The following UTRN variants were observed in gnomAD, a reference collection of about 807,000 sequenced individuals.
The protein encoded by UTRN is dystrophin-related protein 1.
Under a neutral mutation model 463.9 loss-of-function variants are expected in UTRN, and 283 were observed. The observed-to-expected ratio is 0.61, with a 90% confidence interval of 0.55 to 0.67. UTRN has a LOEUF of 0.67. Ranked by LOEUF, UTRN falls within the 30% of genes least tolerant of loss-of-function variation. The pLI is 0.00. For synonymous variants in UTRN, 1,442 were observed against 1,431.5 expected, an observed-to-expected ratio of 1.01 and a Z score of -0.17; for missense variants, 3,922 against 4,084.3, an observed-to-expected ratio of 0.96 and a Z score of 1.08.
intron 52 of UTRN, among the ~76,000 whole-genome samples, chr6:144,680,268 A>G (rs948810072): frequency 6.6e-6 from 1 of 152,192 alleles, no homozygotes; most frequent in African/African-American, 2.4e-5. Context: ...CATTCTAAGT[A>G]AAAAGTTACA....
chr6:144,320,633 G>A (rs546243892), intron 2 of UTRN, among the ~76,000 whole-genome samples: 3 of 152,290 alleles, frequency 2.0e-5, no homozygotes, highest in African/African-American at 7.2e-5. Flanking sequence ...ACAGAGCAGT[G>A]AGAAATCAAA....
chr6:144,561,250 TATATATATATAC>T (rs1206841599), intron 50 of UTRN, among the ~76,000 whole-genome samples: 664 of 51,608 alleles, frequency 0.013, 23 homozygotes, highest in Middle Eastern at 0.022. Context: ...TATATATATA[TATATATATATAC>T]ATACACACAC....
At chr6:144,521,955 ATTTT>A in intron 39 of UTRN, 21 bp from the exon 40 acceptor site, 2 of 942,212 alleles carry the variant, frequency 2.1e-6, no homozygotes, top group Non-Finnish European at 2.8e-6. Flanking sequence ...ATATATATAT[ATTTT>A]TTTTTTTGCT....
chr6:144,701,253 C>T (rs527358420), intron 53 of UTRN, among the ~76,000 whole-genome samples: 3 of 150,228 alleles, frequency 2.0e-5, no homozygotes, highest in South Asian at 4.2e-4. Flanking sequence ...CAAAAGGCAT[C>T]GAGTCATAAG....
At position 144,459,300 on chromosome 6, in the gene UTRN, C is replaced by T. The variant is rs115744432; in HGVS notation, c.2653C>T (p.Arg885Cys). 5.2e-5 allele frequency: 84 copies of T among 1,614,020 alleles called. No individual in the cohort carries two copies. Among genetic ancestry groups the T allele is most frequent in the South Asian group, 1.8e-4 (16 of 91,080 alleles). Residue 885 changes from arginine (R) to cysteine (C), a missense_variant, in exon 21 of 75, where the codon CGC (arginine) becomes TGC (cysteine). By Grantham distance (180) the Arg-to-Cys change is radical. Around this residue, in one of 3 missense-constraint regions of UTRN, gnomAD observed 2,349 missense variants for 2,303.8 expected, o/e 1.02. Coordinates refer to ENST00000367545, the MANE Select transcript of UTRN (RefSeq NM_007124.3). ...VQRGFDSFLG[R>C]YQAVQEAVED... ...GCGGGGCTTCGATAGCTTTCTGGGC[C>T]GCTACCAAGCTGTACAAGAGGCTGT...
intron 53 of UTRN, among the ~76,000 whole-genome samples, chr6:144,728,863 A>C (rs372246388): frequency 6.6e-6 from 1 of 152,178 alleles, no homozygotes; most frequent in African/African-American, 2.4e-5. Flanking sequence ...CTTACACACA[A>C]AAAAATAGCA....
intron 52 of UTRN, among the ~76,000 whole-genome samples, chr6:144,691,968 G>A (rs1783466017): frequency 6.6e-6 from 1 of 152,042 alleles, no homozygotes; most frequent in Admixed American, 6.5e-5. Flanking sequence ...GGGGTTTGTT[G>A]CACAGATTAT....
intron 58 of UTRN, among the ~76,000 whole-genome samples, chr6:144,771,542 C>A (rs1301843026): frequency 1.3e-5 from 2 of 152,030 alleles, no homozygotes; most frequent in Non-Finnish European, 2.9e-5. Context: ...TCTCATGCCT[C>A]ACCCTCCTGA....
chr6:144,378,885 C>T (rs1780682497), intron 2 of UTRN, among the ~76,000 whole-genome samples: 1 of 152,116 alleles, frequency 6.6e-6, no homozygotes, highest in Non-Finnish European at 1.5e-5. Flanking sequence ...TGTGGATGGA[C>T]TCAAGCTGTA....
intron 2 of UTRN, among the ~76,000 whole-genome samples, chr6:144,337,180 CA>C (rs1161351313): frequency 3.4e-5 from 4 of 118,058 alleles, no homozygotes; most frequent in African/African-American, 1.9e-4. Flanking sequence ...CACACACAGA[CA>C]CACACACACA....
At chr6:144,752,296 A>G (rs1791483747) in intron 56 of UTRN, among the ~76,000 whole-genome samples, 1 of 149,226 alleles carries the variant, frequency 6.7e-6, no homozygotes, top group Non-Finnish European at 1.5e-5. Flanking sequence ...TTCATCATGT[A>G]TTTTTTTTTT....
intron 51 of UTRN, among the ~76,000 whole-genome samples, chr6:144,658,792 A>G (rs958826428): frequency 6.6e-6 from 1 of 152,260 alleles, no homozygotes; most frequent in African/African-American, 2.4e-5. Context: ...ATCACTACAA[A>G]GAATTTATAA....
In UTRN at chr6:144,648,112, C is replaced by T. The variant is rs114005436; in HGVS notation, c.7480-30294C>T. ...AGCATGTATGGGTTAAACTCTTGCCCAAGGTCAGACAGTGAGTTGACTTGT... is the reference window on the plus strand; with the variant it reads ...AGCATGTATGGGTTAAACTCTTGCCTAAGGTCAGACAGTGAGTTGACTTGT... On this transcript the variant is annotated intron_variant, in intron 51 of 74. Transcript: ENST00000367545. 6.6e-3 allele frequency among the ~76,000 whole-genome samples: 1,008 copies of T among 152,268 alleles called. 8 individuals are homozygous for T. Among genetic ancestry groups the T allele is most frequent in the African/African-American group, 0.023 (946 of 41,550 alleles).
At chr6:144,450,557 C>A (rs1484501418) in intron 17 of UTRN, among the ~76,000 whole-genome samples, 1 of 152,156 alleles carries the variant, frequency 6.6e-6, no homozygotes, top group Non-Finnish European at 1.5e-5. Context: ...TTTGTTATTG[C>A]CTGTTACTTT....
At chr6:144,324,833 G>A (rs1775876794) in intron 2 of UTRN, among the ~76,000 whole-genome samples, 1 of 152,192 alleles carries the variant, frequency 6.6e-6, no homozygotes, top group Non-Finnish European at 1.5e-5. Flanking sequence ...GACGATGGTG[G>A]AGTGGCTTTC....
At chr6:144,327,738 T>A (rs1171366891) in intron 2 of UTRN, among the ~76,000 whole-genome samples, 1 of 151,660 alleles carries the variant, frequency 6.6e-6, no homozygotes, top group Non-Finnish European at 1.5e-5. Context: ...AGGTCAGGAG[T>A]TCGAGACCAG....
chr6:144,783,473 A>G (rs2128739519), intron 61 of UTRN, among the ~76,000 whole-genome samples: 1 of 152,302 alleles, frequency 6.6e-6, no homozygotes, highest in South Asian at 2.1e-4. Context: ...GTACATATTT[A>G]TGAGGTACAC....
intron 61 of UTRN, among the ~76,000 whole-genome samples, chr6:144,788,596 G>T (rs1441579564): frequency 7.0e-6 from 1 of 143,220 alleles, no homozygotes; most frequent in Admixed American, 7.0e-5. Flanking sequence ...ATGGAGTCTC[G>T]CTCTGTCACC....
intron 51 of UTRN, among the ~76,000 whole-genome samples, chr6:144,621,696 C>G (rs1475120894): frequency 6.6e-6 from 1 of 152,156 alleles, no homozygotes; most frequent in East Asian, 1.9e-4. Context: ...GTTCACAAGT[C>G]AGACTCTCCT....
Sources: allele counts gnomAD v4.1 joint callset (sites outside exome capture counted in the v4.1 genomes callset), GRCh38; gene constraint gnomAD v4.1.1; regional missense constraint gnomAD v4.1.1; transcripts MANE v1.5; gene names NCBI Gene and HGNC (gene_info 2026-07-23, HGNC 2026-07-21).